The following TEX11 variants were observed in gnomAD, a reference collection of about 807,000 sequenced individuals.
TEX11 encodes testis-expressed protein 11.
Under a neutral mutation model 84.4 loss-of-function variants are expected in TEX11, and 7 were observed. The ratio of observed to expected loss-of-function variants is 0.08; its 90% CI spans 0.05 to 0.16. The LOEUF (loss-of-function observed/expected upper bound fraction) is 0.16, where lower values mean the gene tolerates loss of function less well. TEX11 is among the 10% of genes least tolerant of loss of function. The pLI is 1.00. For synonymous variants in TEX11, 264 were observed against 222.8 expected (o/e 1.18, Z -1.64); for missense variants, 551 against 660.5 (o/e 0.83, Z 1.82).
At chrX:70,898,645 G>A (rs901359237) in intron 2 of TEX11, among the ~76,000 whole-genome samples, 4 of 105,888 alleles carry the variant, frequency 3.8e-5, no homozygotes, top group Admixed American at 2.1e-4. Context: ...TCACTCTGTC[G>A]GCCAGGCTGG....
intron 9 of TEX11, among the ~76,000 whole-genome samples, chrX:70,749,429 A>G (rs1185589230): frequency 9.0e-6 from 1 of 110,646 alleles, no homozygotes; most frequent in Non-Finnish European, 1.9e-5. Context: ...CTCCTGCCTA[A>G]TTGCCCTGGC....
chrX:70,659,964 T>C (rs1285650333), intron 16 of TEX11, among the ~76,000 whole-genome samples: 1 of 112,301 alleles, frequency 8.9e-6, no homozygotes, highest in Non-Finnish European at 1.9e-5. Context: ...TAGCCTACTA[T>C]ACATGACTAT....
chrX:70,869,047 TAAAATAAAATAAAATAAAATA>T (rs2091615172), intron 4 of TEX11, among the ~76,000 whole-genome samples: 2 of 19,027 alleles, frequency 1.1e-4, no homozygotes, highest in East Asian at 0.11. Context: ...TAAAATAAAA[TAAAATAAAATAAAATAAAATA>T]AAATAAAATA....
intron 9 of TEX11, among the ~76,000 whole-genome samples, chrX:70,798,365 C>A (rs1379348523): frequency 9.0e-6 from 1 of 111,183 alleles, no homozygotes; most frequent in Non-Finnish European, 1.9e-5. Context: ...GGACAGATAT[C>A]CTGTGTTCAT....
At chrX:70,741,342 G>T (rs1406064462) in intron 10 of TEX11, among the ~76,000 whole-genome samples, 1 of 111,832 alleles carries the variant, frequency 8.9e-6, no homozygotes, top group Non-Finnish European at 1.9e-5. Flanking sequence ...CAGGACAACT[G>T]TATGATTCCA....
intron 5 of TEX11, 66 bp downstream of exon 5, chrX:70,860,791 T>G: frequency 1.2e-6 from 1 of 806,836 alleles, no homozygotes; most frequent in South Asian, 2.3e-5. Context: ...CACACTAACT[T>G]TACCATTTTC....
chrX:70,733,825 A>T (rs959226539), intron 11 of TEX11, among the ~76,000 whole-genome samples: 4 of 111,706 alleles, frequency 3.6e-5, no homozygotes, highest in African/African-American at 1.3e-4. Flanking sequence ...AAGGACTATA[A>T]ATCATGCTGC....
intron 11 of TEX11, among the ~76,000 whole-genome samples, chrX:70,730,393 G>C (rs1603239641): frequency 9.0e-6 from 1 of 111,688 alleles, no homozygotes; most frequent in South Asian, 3.8e-4. Context: ...TCAGTGTGCT[G>C]TATTCAGGAA....
intron 16 of TEX11, among the ~76,000 whole-genome samples, chrX:70,652,128 T>A (rs2089818035): frequency 9.0e-6 from 1 of 110,523 alleles, no homozygotes; most frequent in Non-Finnish European, 1.9e-5. Flanking sequence ...CACAATGGGG[T>A]GGAGGGAAAC....
chrX:70,740,669 TAA>T (rs1413306043), intron 11 of TEX11, 30 bp downstream of exon 11: 11 of 1,012,860 alleles, frequency 1.1e-5, no homozygotes, highest in Admixed American at 2.7e-5. Flanking sequence ...AAAAATACAT[TAA>T]GTTAGTATTC....
rs183515049 is a variant in TEX11 at position 70,715,228 on chromosome X, T to G, written c.1004+7390A>C. ...TTTCTCTCTGGCTTCACTTAACATT[T>G]TTTCCTTCATTTCAACTTTGGTGAA... On this transcript the variant is annotated intron_variant, in intron 13 of 29. Transcript: ENST00000374333. 9.7e-3 allele frequency among the ~76,000 whole-genome samples: 1,049 copies of G among 108,610 alleles called. 47 individuals are homozygous for G. Among genetic ancestry groups the G allele is most frequent in the African/African-American group, 0.035 (994 of 28,103 alleles). 94.3% of individuals were successfully genotyped at this position (108,610 alleles called of 115,157 possible). A position where few individuals can be genotyped will look rare whatever the true frequency, so the allele number is the denominator to read the frequency against.
chrX:70,841,329 C>T (rs1255253237), intron 7 of TEX11, among the ~76,000 whole-genome samples: 1 of 111,210 alleles, frequency 9.0e-6, no homozygotes, highest in East Asian at 2.8e-4. Flanking sequence ...AAGAAACTGA[C>T]TCAAAACCGC....
chrX:70,516,813 G>T, the TEX11 span, among the ~76,000 whole-genome samples: 16 of 110,826 alleles, frequency 1.4e-4, 1 homozygote, highest in Non-Finnish European at 2.5e-4. Context: ...GTGGTTTGTA[G>T]TTCTCCTTGA....
chrX:70,726,821 A>G (rs2147725160), intron 11 of TEX11, among the ~76,000 whole-genome samples: 1 of 104,384 alleles, frequency 9.6e-6, no homozygotes, highest in East Asian at 3.1e-4. Context: ...ATGAGCCACC[A>G]GGCCTGGCTG....
intron 8 of TEX11, among the ~76,000 whole-genome samples, chrX:70,820,424 C>T (rs2091312597): frequency 8.9e-6 from 1 of 111,949 alleles, no homozygotes; most frequent in Non-Finnish European, 1.9e-5. Context: ...AAGTTAAAGA[C>T]TTTGTATTAG....
intron 9 of TEX11, among the ~76,000 whole-genome samples, chrX:70,773,909 A>G (rs1038337596): frequency 3.6e-5 from 4 of 111,262 alleles, no homozygotes; most frequent in Non-Finnish European, 5.7e-5. Context: ...GCTGAGAGAG[A>G]GACTCCCCAA....
At chrX:70,863,967 G>T (rs546052424) in intron 4 of TEX11, among the ~76,000 whole-genome samples, 2 of 111,889 alleles carry the variant, frequency 1.8e-5, no homozygotes, top group African/African-American at 6.5e-5. Flanking sequence ...GCGAAGAAAG[G>T]ATGTCAGAGA....
intron 11 of TEX11, among the ~76,000 whole-genome samples, chrX:70,739,413 C>CA (rs2090719076): frequency 1.3e-5 from 1 of 75,152 alleles, no homozygotes. Flanking sequence ...TATTTCATTT[C>CA]TTTTTTTTTT....
chrX:70,867,520 C>G (rs1270897189), intron 4 of TEX11, among the ~76,000 whole-genome samples: 1 of 111,702 alleles, frequency 9.0e-6, no homozygotes, highest in Non-Finnish European at 1.9e-5. Context: ...CTAGAAAAAA[C>G]TACTTTAAAT....
Sources: allele counts gnomAD v4.1 joint callset (sites outside exome capture counted in the v4.1 genomes callset), GRCh38; gene constraint gnomAD v4.1.1; transcripts MANE v1.5; gene names NCBI Gene and HGNC (gene_info 2026-07-23, HGNC 2026-07-21).